Variants in MTM1 observed in about 807,000 individuals in gnomAD.
The protein encoded by MTM1 is myotubularin 1.
A neutral mutation model predicts 52.1 loss-of-function variants in MTM1; 9 were observed. The observed-to-expected ratio is 0.17, with a 90% CI of 0.10 to 0.30. The LOEUF (loss-of-function observed/expected upper bound fraction) is 0.30, where lower values mean the gene tolerates loss of function less well. Ranked by LOEUF, MTM1 falls within the 10% of genes least tolerant of loss-of-function variation. The pLI is 1.00. For missense variants in MTM1, 277 were observed against 470.7 expected, an observed-to-expected ratio of 0.59 and a Z score of 3.81; for synonymous variants, 136 against 163.8, an observed-to-expected ratio of 0.83 and a Z score of 1.29.
At chrX:150,589,308 A>G (rs1383648184) in intron 1 of MTM1, among the ~76,000 whole-genome samples, 2 of 111,029 alleles carry the variant, frequency 1.8e-5, no homozygotes, top group Non-Finnish European at 3.8e-5. Context: ...TCTCCTCTGT[A>G]ATAGGAGAGG....
chrX:150,615,804 TATTAA>T (rs1817107651), intron 5 of MTM1, among the ~76,000 whole-genome samples: 1 of 112,319 alleles, frequency 8.9e-6, no homozygotes, highest in African/African-American at 3.2e-5. Flanking sequence ...ATAATGCCAT[TATTAA>T]ATCTTAACTG....
At chrX:150,594,836 T>C (rs2038948451) in intron 2 of MTM1, among the ~76,000 whole-genome samples, 1 of 111,872 alleles carries the variant, frequency 8.9e-6, no homozygotes, top group Non-Finnish European at 1.9e-5. Flanking sequence ...TTGCTCGTTA[T>C]GCCTGTTTTT....
intron 14 of MTM1, among the ~76,000 whole-genome samples, chrX:150,665,141 G>T (rs998220168): frequency 8.9e-6 from 1 of 112,011 alleles, no homozygotes; most frequent in Non-Finnish European, 1.9e-5. Flanking sequence ...CCTATATTAT[G>T]ATCTATTGGC....
the MTM1 span, among the ~76,000 whole-genome samples, chrX:150,563,271 G>A: frequency 1.1e-5 from 1 of 91,310 alleles, no homozygotes; most frequent in African/African-American, 4.1e-5. Context: ...CTGAGGCTAT[G>A]TCTTCTTGTC....
chrX:150,605,725 TG>T (rs1402384870), intron 4 of MTM1, among the ~76,000 whole-genome samples: 5 of 112,208 alleles, frequency 4.5e-5, no homozygotes, highest in Non-Finnish European at 7.5e-5. Flanking sequence ...TGTCAAACTC[TG>T]TCTCAAATAC....
Position 150,610,500 on chromosome X carries a change from C to T in MTM1, c.232-4089C>T, listed in dbSNP as rs150685960. On this transcript the variant is annotated intron_variant, in intron 4 of 14. Coordinates refer to ENST00000370396, the MANE Select transcript of MTM1 (RefSeq NM_000252.3). Reference sequence around the variant, plus strand: ...CAATTACTTTAGGTAGTTAGAAGTACAAGGCATAGACTTTTGAGTTAGAAT... The same window carrying T: ...CAATTACTTTAGGTAGTTAGAAGTATAAGGCATAGACTTTTGAGTTAGAAT... 6.6e-3 allele frequency among the ~76,000 whole-genome samples: 743 copies of T among 112,270 alleles called. 4 individuals carry two copies. Among genetic ancestry groups the T allele is most frequent in the African/African-American group, 0.022 (690 of 30,953 alleles).
At chrX:150,616,427 G>A (rs1324511190) in intron 5 of MTM1, among the ~76,000 whole-genome samples, 1 of 111,788 alleles carries the variant, frequency 8.9e-6, no homozygotes, top group Non-Finnish European at 1.9e-5. Flanking sequence ...GTCTCTCATA[G>A]GTCAACTTTC....
At chrX:150,651,572 T>A (rs1213644221) in intron 10 of MTM1, among the ~76,000 whole-genome samples, 1 of 109,501 alleles carries the variant, frequency 9.1e-6, no homozygotes, top group African/African-American at 3.3e-5. Flanking sequence ...TAAGATTTGA[T>A]TGGGACCTTG....
intron 4 of MTM1, among the ~76,000 whole-genome samples, chrX:150,607,207 C>T (rs782614862): frequency 4.6e-5 from 5 of 109,768 alleles, no homozygotes; most frequent in Non-Finnish European, 7.6e-5. Context: ...AGGCTGGTCT[C>T]GGACTCCTGA....
chrX:150,668,879 C>CTTCT (rs1338246200), intron 14 of MTM1, among the ~76,000 whole-genome samples: 1 of 111,008 alleles, frequency 9.0e-6, no homozygotes, highest in African/African-American at 3.3e-5. Context: ...CTTCTGTAGA[C>CTTCT]GTTTGGCTTT....
At chrX:150,652,678 C>T (rs192500164) in intron 10 of MTM1, among the ~76,000 whole-genome samples, 3 of 72,422 alleles carry the variant, frequency 4.1e-5, no homozygotes, top group East Asian at 3.2e-4. Flanking sequence ...CACACACACA[C>T]ACACACACAC....
chrX:150,609,622 G>A lies in MTM1; in HGVS notation c.232-4967G>A, dbSNP rs782615838. Among the ~76,000 whole-genome samples the A allele has an allele frequency of 6.3e-5, 7 of 111,441 alleles. 1 individual carries two copies. In the South Asian group the frequency reaches 1.5e-3, roughly 24 times the overall value. Reference sequence around the variant, plus strand: ...AAACCAAGAGTTTCTAAAATCGGCCGTGTTCATCTTTCTCTAAAACCCCCT... The same window carrying A: ...AAACCAAGAGTTTCTAAAATCGGCCATGTTCATCTTTCTCTAAAACCCCCT... On this transcript the variant is annotated intron_variant, in intron 4 of 14. Coordinates refer to ENST00000370396, the MANE Select transcript of MTM1 (RefSeq NM_000252.3).
intron 4 of MTM1, among the ~76,000 whole-genome samples, chrX:150,613,386 T>G (rs2039326662): frequency 9.0e-6 from 1 of 111,514 alleles, no homozygotes. Context: ...TTAAACTTAC[T>G]TTTCCATGTA....
chrX:150,571,114 C>T (rs1383373116), intron 1 of MTM1, among the ~76,000 whole-genome samples: 1 of 111,868 alleles, frequency 8.9e-6, no homozygotes, highest in African/African-American at 3.3e-5. Flanking sequence ...AGACTCTCAA[C>T]GATTAATAGG....
At chrX:150,642,787 G>T in intron 8 of MTM1, among the ~76,000 whole-genome samples, 1 of 111,792 alleles carries the variant, frequency 8.9e-6, no homozygotes, top group South Asian at 3.8e-4. Flanking sequence ...GTATGTGGGT[G>T]AATTCTATGG....
At chrX:150,665,871 C>T in intron 14 of MTM1, among the ~76,000 whole-genome samples, 1 of 111,933 alleles carries the variant, frequency 8.9e-6, no homozygotes, top group Admixed American at 9.5e-5. Context: ...TATTACAAAC[C>T]TGAGTAGGAA....
intron 1 of MTM1, among the ~76,000 whole-genome samples, chrX:150,583,978 A>T (rs59419354): frequency 0.22 from 17,236 of 80,126 alleles, 2,808 homozygotes; most frequent in African/African-American, 0.51. Context: ...AAAATATTTT[A>T]AAAATATATT....
chrX:150,644,123 AATAAT>A (rs1404354460), intron 8 of MTM1, among the ~76,000 whole-genome samples: 1 of 111,512 alleles, frequency 9.0e-6, no homozygotes, highest in Non-Finnish European at 1.9e-5. Flanking sequence ...TTTTATTTTT[AATAAT>A]TTCTCAAATT....
chrX:150,635,981 C>T (rs1357712271), intron 6 of MTM1, among the ~76,000 whole-genome samples: 1 of 112,073 alleles, frequency 8.9e-6, no homozygotes, highest in Non-Finnish European at 1.9e-5. Flanking sequence ...ATGTGCTTCA[C>T]GAGGAGAAAT....
Sources: allele counts gnomAD v4.1 joint callset (sites outside exome capture counted in the v4.1 genomes callset), GRCh38; gene constraint gnomAD v4.1.1; transcripts MANE v1.5; gene names NCBI Gene and HGNC (gene_info 2026-07-23, HGNC 2026-07-21).